The following MCM3AP variants were observed in gnomAD, a reference collection of about 807,000 sequenced individuals.
MCM3AP encodes minichromosome maintenance complex component 3 associated protein, also known as germinal-center associated nuclear protein.
Under a neutral mutation model 184.1 loss-of-function variants are expected in MCM3AP, and 126 were observed. The observed-to-expected ratio is 0.68, with a 90% CI of 0.59 to 0.79. The LOEUF (loss-of-function observed/expected upper bound fraction) is 0.79. MCM3AP is among the 30% of genes least tolerant of loss of function. MCM3AP has a pLI of 0.00. For synonymous variants in MCM3AP, 1,002 were observed against 979.3 expected (o/e 1.02, Z -0.43); for missense variants, 2,496 against 2,479.2 (o/e 1.01, Z -0.14).
chr21:46,259,595 C>A (rs912299641), intron 15 of MCM3AP, among the ~76,000 whole-genome samples: 8 of 151,974 alleles, frequency 5.3e-5, no homozygotes, highest in Non-Finnish European at 1.2e-4. Flanking sequence ...CATGGTAGAA[C>A]CCCGTCTCTA....
chr21:46,236,074 T>G (rs1457405108), intron 27 of MCM3AP: 1 of 152,282 alleles, frequency 6.6e-6, no homozygotes, highest in African/African-American at 2.4e-5. Flanking sequence ...TAAACATTTT[T>G]ATACATTAAT....
chr21:46,254,093 G>A (rs758683595), intron 19 of MCM3AP: 2 of 370,112 alleles, frequency 5.4e-6, no homozygotes, highest in African/African-American at 2.1e-5. Context: ...CCCCAGCCAT[G>A]CTTCCTGTAC....
Position 46,284,100 on chromosome 21 carries a change from T to G in MCM3AP, c.1187A>C (p.Glu396Ala). ...CTTCTCTCTACTTTCAGTTTCTTCC[T>G]CTTTATTCACACCTGGAATCCGGGA... ...APSRIPGVNK[E>A]EETESREKKE... The change falls in exon 1 of 28, where the codon GAG (glutamate) becomes GCG (alanine). Residue 396 changes from glutamate (E) to alanine (A), a missense_variant. Glu to Ala is a moderately radical substitution (Grantham distance 107, BLOSUM62 -1). Around this residue, in one of 5 missense-constraint regions of MCM3AP, gnomAD observed 800 missense variants for 717.1 expected, o/e 1.12. Coordinates refer to ENST00000291688, the MANE Select transcript of MCM3AP (RefSeq NM_003906.5). 2 of 1,613,836 alleles carry G rather than the reference T, an allele frequency of 1.2e-6. No homozygotes were observed. The highest frequency in any genetic ancestry group is 1.7e-6 in the Non-Finnish European group (2 of 1,179,882).
At chr21:46,268,700 G>A (rs577689052) in intron 9 of MCM3AP, among the ~76,000 whole-genome samples, 46 of 152,312 alleles carry the variant, frequency 3.0e-4, no homozygotes, top group Middle Eastern at 6.8e-3. Context: ...CGCCACTGCC[G>A]GTGAAGAGCT....
At chr21:46,266,322 C>T (rs17182815) in intron 10 of MCM3AP, 156 bp from the exon 11 acceptor site, 3 of 722,192 alleles carry the variant, frequency 4.2e-6, no homozygotes, top group South Asian at 2.5e-5. Context: ...GCCGCCCACC[C>T]TGGAGCCTCT....
At chr21:46,243,010 AAAAC>A in intron 24 of MCM3AP, 79 bp from the exon 25 acceptor site, 3 of 1,301,358 alleles carry the variant, frequency 2.3e-6, no homozygotes, top group Middle Eastern at 2.0e-4. Flanking sequence ...CACACACAAA[AAAAC>A]AAAAACAGGT....
chr21:46,272,518 C>G, intron 8 of MCM3AP, 43 bp downstream of exon 8: 1 of 1,586,992 alleles, frequency 6.3e-7, no homozygotes, highest in Non-Finnish European at 8.6e-7. Flanking sequence ...TAAAGCCTGC[C>G]TTTTCAGCCA....
intron 15 of MCM3AP, among the ~76,000 whole-genome samples, chr21:46,259,567 C>T (rs974974500): frequency 2.6e-5 from 4 of 151,822 alleles, no homozygotes; most frequent in African/African-American, 9.7e-5. Flanking sequence ...GTCAGGAGTT[C>T]GAAACCAGCT....
At position 46,245,177 on chromosome 21, in the gene MCM3AP, C is replaced by T; in HGVS notation, c.4668G>A (p.Trp1556Ter). Reference protein sequence around the residue: ...GSTKVLQAVQWLVSHCPHSLD... With the variant: ...GSTKVLQAVQ ...GGGAATGGGGGCAGTGGGAAACCAGCCACTGCACTGCTTGCAAAACCTGAG... is the reference window on the plus strand; with the variant it reads ...GGGAATGGGGGCAGTGGGAAACCAGTCACTGCACTGCTTGCAAAACCTGAG... Residue 1556 changes from tryptophan to a stop codon, truncating the protein, a stop_gained, in exon 23 of 28, where the codon TGG becomes TGA. Transcript: ENST00000291688. LOFTEE classifies it high-confidence loss of function. The T allele has an allele frequency of 6.2e-7, 1 of 1,609,042 alleles. No individual in the cohort carries two copies. The highest frequency in any genetic ancestry group is 8.5e-7 in the Non-Finnish European group (1 of 1,177,998).
At position 46,264,121 on chromosome 21, in the gene MCM3AP, G is replaced by C; in HGVS notation, c.3331C>G (p.Leu1111Val). 1 of 1,612,176 alleles carries C rather than the reference G, an allele frequency of 6.2e-7. No individual in the cohort carries two copies. Among genetic ancestry groups the C allele is most frequent in the Non-Finnish European group, 8.5e-7 (1 of 1,178,496 alleles). ...GGAGCACGAGATGCCACTCACCCCAGGGCGGCAGCTGCGTAGGCAGCACCC... is the reference window on the plus strand; with the variant it reads ...GGAGCACGAGATGCCACTCACCCCACGGCGGCAGCTGCGTAGGCAGCACCC... ...SAGAAYAAAA[L>V]GVSNAAMEDL... is the part of the protein sequence containing the mutation. Residue 1111 changes from leucine (L) to valine (V), a missense_variant, in exon 13 of 28, where the codon CTG becomes GTG. Around this residue, in one of 5 missense-constraint regions of MCM3AP, gnomAD observed 1,323 missense variants for 1,273.4 expected, o/e 1.04. Transcript: ENST00000291688.
At chr21:46,240,310 G>C (rs2080637152) in intron 26 of MCM3AP, among the ~76,000 whole-genome samples, 1 of 152,118 alleles carries the variant, frequency 6.6e-6, no homozygotes, top group Admixed American at 6.5e-5. Flanking sequence ...CCTGTGGAAG[G>C]TCCCTTATTC....
chr21:46,284,854 T>G lies in MCM3AP; in HGVS notation c.433A>C (p.Ser145Arg). ...VNSGFGKTEF[S>R]FKPLENAVFK... ...ACTGCATTTTCCAGAGGTTTAAAGC[T>G]GAATTCTGTTTTCCCAAAACCAGAG... The change falls in exon 1 of 28, where the codon AGC (serine) becomes CGC (arginine). Residue 145 changes from serine (S) to arginine (R), a missense_variant. Ser to Arg is a moderately radical substitution (Grantham distance 110). Coordinates refer to ENST00000291688, the MANE Select transcript of MCM3AP (RefSeq NM_003906.5). 1 of 1,614,158 alleles carries G rather than the reference T, an allele frequency of 6.2e-7. No homozygotes were observed. Among genetic ancestry groups the G allele is most frequent in the Non-Finnish European group, 8.5e-7 (1 of 1,180,042 alleles).
chr21:46,275,423 AACAC>A, intron 5 of MCM3AP, 98 bp from the exon 6 acceptor site: 1 of 1,003,010 alleles, frequency 1.0e-6, no homozygotes. Flanking sequence ...TAAAACTTAA[AACAC>A]ACACACACAT....
chr21:46,241,180 T>C (rs2080658274), intron 25 of MCM3AP, 163 bp from the exon 26 acceptor site: 1 of 617,194 alleles, frequency 1.6e-6, no homozygotes, highest in South Asian at 1.9e-5. Context: ...CATGCCTGCT[T>C]CCAAGCTTCC....
intron 13 of MCM3AP, among the ~76,000 whole-genome samples, chr21:46,263,476 T>C (rs2081067521): frequency 6.6e-6 from 1 of 151,586 alleles, no homozygotes. Context: ...GATTAGAAGA[T>C]TTAATATTGT....
In MCM3AP at chr21:46,273,407, C is replaced by T; in HGVS notation, c.2177G>A (p.Arg726His). ...CAATACCTTCCGTATGCCACGCGTGCGGTTCCACACGAAGTCATACCAATC... is the reference window on the plus strand; with the variant it reads ...CAATACCTTCCGTATGCCACGCGTGTGGTTCCACACGAAGTCATACCAATC... ...LRDWYDFVWNRTRGIRKDITQ... is the reference protein window; with the variant it reads ...LRDWYDFVWNHTRGIRKDITQ... The change falls in exon 7 of 28, where the codon CGC becomes CAC. Residue 726 changes from arginine (R) to histidine (H), a missense_variant. This residue lies in a region of MCM3AP where 130 missense variants were observed against 199.8 expected (regional missense o/e 0.65). Coordinates refer to ENST00000291688, the MANE Select transcript of MCM3AP (RefSeq NM_003906.5). 1 of 1,613,902 alleles carries T rather than the reference C, an allele frequency of 6.2e-7. No homozygotes were observed. The highest frequency in any genetic ancestry group is 1.3e-5 in the African/African-American group (1 of 75,062).
chr21:46,268,658 C>T (rs775272280), intron 9 of MCM3AP, among the ~76,000 whole-genome samples: 1 of 152,260 alleles, frequency 6.6e-6, no homozygotes, highest in Non-Finnish European at 1.5e-5. Context: ...CAGGAGTGCA[C>T]AGGGCTGCGG....
chr21:46,256,413 C>T (rs1048255170), intron 17 of MCM3AP: 4 of 227,964 alleles, frequency 1.8e-5, no homozygotes, highest in Non-Finnish European at 2.6e-5. Flanking sequence ...AGGGATGGGG[C>T]GGGGATGGGA....
At chr21:46,243,781 A>C in intron 23 of MCM3AP, 59 bp from the exon 24 acceptor site, 2 of 1,552,770 alleles carry the variant, frequency 1.3e-6, no homozygotes, top group South Asian at 1.2e-5. Flanking sequence ...GAAAATGTAC[A>C]TGAAAACATT....
Sources: gnomAD v4.1 joint callset for allele counts (sites outside exome capture counted in the v4.1 genomes callset) on GRCh38, gnomAD v4.1.1 for gene constraint, gnomAD v4.1.1 regional missense constraint, MANE v1.5 for transcripts, NCBI Gene and HGNC (gene_info 2026-07-23, HGNC 2026-07-21) for gene names.